The following SORCS3 variants were observed in gnomAD, a reference collection of about 807,000 sequenced individuals.
SORCS3 encodes sortilin related VPS10 domain containing receptor 3.
A neutral mutation model predicts 146.3 loss-of-function variants in SORCS3; 57 were observed. That is an observed-to-expected ratio of 0.39 (90% CI 0.31 to 0.49). The LOEUF (loss-of-function observed/expected upper bound fraction) is 0.49. Among genes scored for constraint, SORCS3 ranks in the 20% least tolerant of loss-of-function variants. SORCS3 has a pLI of 0.92. For synonymous variants in SORCS3, 653 were observed against 618.5 expected (o/e 1.06, Z -0.83); for missense variants, 1,341 against 1,575.5 (o/e 0.85, Z 2.52).
At chr10:104,995,404 C>T (rs761045225) in intron 4 of SORCS3, among the ~76,000 whole-genome samples, 11 of 152,242 alleles carry the variant, frequency 7.2e-5, no homozygotes, top group South Asian at 2.1e-4. Flanking sequence ...GTGATCTGCA[C>T]GCCTCTGCCT....
intron 1 of SORCS3, among the ~76,000 whole-genome samples, chr10:104,658,841 CTTTTGTT>C (rs2015665562): frequency 1.3e-5 from 2 of 150,328 alleles, no homozygotes; most frequent in African/African-American, 2.4e-5. Flanking sequence ...TTTTTTTTGT[CTTTTGTT>C]TTTTGTTTTT....
intron 14 of SORCS3, among the ~76,000 whole-genome samples, chr10:105,187,598 G>T (rs7084193): frequency 0.24 from 36,384 of 152,098 alleles, 4,322 homozygotes; most frequent in South Asian, 0.3. Flanking sequence ...TTCATGGAGG[G>T]AGGGAAAGGA....
At chr10:105,210,486 T>C (rs1386099073) in intron 16 of SORCS3, among the ~76,000 whole-genome samples, 2 of 152,158 alleles carry the variant, frequency 1.3e-5, no homozygotes, top group East Asian at 3.9e-4. Context: ...GGAAGCACTG[T>C]TTGGACTTCA....
At chr10:104,899,200 A>G (rs2018827439) in intron 2 of SORCS3, among the ~76,000 whole-genome samples, 1 of 152,210 alleles carries the variant, frequency 6.6e-6, no homozygotes, top group Non-Finnish European at 1.5e-5. Context: ...GGAAATATTC[A>G]TTTAAGTGTT....
intron 14 of SORCS3, among the ~76,000 whole-genome samples, chr10:105,193,061 C>T (rs2056525495): frequency 6.6e-6 from 1 of 152,152 alleles, no homozygotes; most frequent in African/African-American, 2.4e-5. Context: ...GTATAGAATT[C>T]TAATGAGGTC....
chr10:104,735,454 C>CTTTTTTTTTTTTTTTTTTTT (rs1554847561), intron 1 of SORCS3, among the ~76,000 whole-genome samples: 1 of 14,860 alleles, frequency 6.7e-5, no homozygotes, highest in African/African-American at 3.7e-4. Context: ...CTCTCACCGT[C>CTTTTTTTTTTTTTTTTTTTT]TGTTTTTTTT....
intron 1 of SORCS3, among the ~76,000 whole-genome samples, chr10:104,749,231 GT>G (rs2016953209): frequency 8.9e-6 from 1 of 112,138 alleles, no homozygotes; most frequent in South Asian, 2.7e-4. Context: ...TATAGGGTGT[GT>G]GTGTGTGTGT....
At chr10:104,770,758 G>T (rs1031991235) in intron 1 of SORCS3, among the ~76,000 whole-genome samples, 2 of 151,994 alleles carry the variant, frequency 1.3e-5, no homozygotes, top group African/African-American at 4.8e-5. Context: ...ATTTGAGCCT[G>T]GGAGGTTGAG....
In SORCS3 at chr10:105,216,974, G is replaced by T; in HGVS notation, c.2586G>T (p.Gly862=). The change falls in exon 19 of 27, where the codon GGG becomes GGT. Residue 862 remains glycine (G), a synonymous_variant. Coordinates refer to ENST00000369701, the MANE Select transcript of SORCS3 (RefSeq NM_014978.3). ...LQRTNIQLDF[G]DGIAVSYANF... is the part of the protein sequence containing the mutation. ...GGACAAACATCCAGCTTGACTTTGGGGATGGGATTGCTGTGTCCTACGCAA... is the reference window on the plus strand; with the variant it reads ...GGACAAACATCCAGCTTGACTTTGGTGATGGGATTGCTGTGTCCTACGCAA... 1 of 1,614,148 alleles carries T rather than the reference G, an allele frequency of 6.2e-7. No homozygotes were observed. Among genetic ancestry groups the T allele is most frequent in the Non-Finnish European group, 8.5e-7 (1 of 1,180,022 alleles).
chr10:104,928,181 G>A (rs1287748595), intron 3 of SORCS3, among the ~76,000 whole-genome samples: 3 of 152,154 alleles, frequency 2.0e-5, no homozygotes, highest in Admixed American at 2.0e-4. Flanking sequence ...TTAGGACTCA[G>A]GGCAGAAGGA....
Position 104,988,487 on chromosome 10 carries a change from AAAC to A in SORCS3, c.954+11003_954+11005del, listed in dbSNP as rs1340145542. The stretch of plus-strand genomic sequence containing the variant: ...ATTAATTCTGCCTCAAGCAAAAAAT[AAAC>A]AACAACAAGGCAGTTGTGTTTTAAG... On this transcript the variant is annotated intron_variant, in intron 4 of 26. Coordinates refer to ENST00000369701, the MANE Select transcript of SORCS3 (RefSeq NM_014978.3). 2.6e-5 allele frequency among the ~76,000 whole-genome samples: 4 copies of A among 152,172 alleles called. No individual in the cohort carries two copies. In the East Asian group the frequency reaches 7.7e-4, roughly 29 times the overall value.
At chr10:105,257,560 GT>G (rs888000312) in intron 25 of SORCS3, among the ~76,000 whole-genome samples, 40 of 152,238 alleles carry the variant, frequency 2.6e-4, no homozygotes, top group African/African-American at 9.6e-4. Context: ...CAATAATTTT[GT>G]ACTAACATTC....
At chr10:105,129,793 A>C (rs2056004848) in intron 7 of SORCS3, among the ~76,000 whole-genome samples, 1 of 152,106 alleles carries the variant, frequency 6.6e-6, no homozygotes, top group African/African-American at 2.4e-5. Flanking sequence ...GAACACAAAG[A>C]TAAGTCTCGA....
chr10:104,851,044 G>A (rs548127565), intron 2 of SORCS3, among the ~76,000 whole-genome samples: 21 of 152,284 alleles, frequency 1.4e-4, no homozygotes, highest in East Asian at 3.9e-4. Context: ...AACATAGGGA[G>A]CATCATGCAA....
intron 4 of SORCS3, among the ~76,000 whole-genome samples, chr10:105,007,894 G>A (rs1004354074): frequency 9.2e-5 from 14 of 152,090 alleles, no homozygotes; most frequent in African/African-American, 3.1e-4. Flanking sequence ...AGAAATATGG[G>A]GACCTCTTTC....
intron 1 of SORCS3, among the ~76,000 whole-genome samples, chr10:104,721,771 C>T (rs186166043): frequency 0.014 from 2,056 of 152,072 alleles, 39 homozygotes; most frequent in African/African-American, 0.041. Flanking sequence ...TGATTTGGCT[C>T]TCTGTTTGTC....
Position 105,205,968 on chromosome 10 carries a change from T to C in SORCS3, c.2261+4715T>C, listed in dbSNP as rs2056599668. The stretch of plus-strand genomic sequence containing the variant: ...CCTCCATGTCCCATATGGCACTACA[T>C]CCACAAAGCAAGTTTATTGAGTGGT... On this transcript the variant is annotated intron_variant, in intron 16 of 26. Transcript: ENST00000369701. Among the ~76,000 whole-genome samples, 3 of 152,092 alleles carry C rather than the reference T, an allele frequency of 2.0e-5. No homozygotes were observed. In the South Asian group the frequency reaches 6.2e-4, roughly 32 times the overall value.
At chr10:105,110,796 A>G (rs930953793) in intron 7 of SORCS3, among the ~76,000 whole-genome samples, 2 of 152,208 alleles carry the variant, frequency 1.3e-5, no homozygotes, top group East Asian at 1.9e-4. Context: ...GAGAAGCATC[A>G]TTATGATTTG....
chr10:105,201,278 C>T (rs1326881367), intron 16 of SORCS3, 25 bp downstream of exon 16: 2 of 1,593,814 alleles, frequency 1.3e-6, no homozygotes, highest in Non-Finnish European at 1.7e-6. Flanking sequence ...ATTTCATTAC[C>T]AATTCCAACC....
Sources: gnomAD v4.1 joint callset for allele counts (sites outside exome capture counted in the v4.1 genomes callset) on GRCh38, gnomAD v4.1.1 for gene constraint, MANE v1.5 for transcripts, NCBI Gene and HGNC (gene_info 2026-07-23, HGNC 2026-07-21) for gene names.